The following TFEC variants were observed in gnomAD, a reference collection of about 807,000 sequenced individuals.
The protein encoded by TFEC is transcription factor EC, also known as class E basic helix-loop-helix protein 34.
In TFEC, 31 loss-of-function variants were observed where a neutral mutation model predicts 41.6. The observed-to-expected ratio is 0.74, with a 90% CI of 0.56 to 1.01. TFEC has a LOEUF of 1.01. Ranked by LOEUF, TFEC falls within the 50% of genes least tolerant of loss-of-function variation. The pLI is 0.00. For missense variants in TFEC, 402 were observed against 404.1 expected (o/e 0.99, Z 0.04); for synonymous variants, 143 against 140.6 (o/e 1.02, Z -0.12).
intron 3 of TFEC, among the ~76,000 whole-genome samples, chr7:116,092,127 C>A (rs1459476970): frequency 6.6e-6 from 1 of 152,098 alleles, no homozygotes; most frequent in Non-Finnish European, 1.5e-5. Flanking sequence ...AATATAGGGA[C>A]CTTTTTTACC....
chr7:116,019,571 T>C (rs1046429325), intron 1 of TFEC, among the ~76,000 whole-genome samples: 1 of 152,202 alleles, frequency 6.6e-6, no homozygotes, highest in Non-Finnish European at 1.5e-5. Flanking sequence ...AATGTTTCCA[T>C]CATTTAATAA....
chr7:116,127,290 T>C (rs980406142), intron 1 of TFEC, among the ~76,000 whole-genome samples: 6 of 152,046 alleles, frequency 3.9e-5, no homozygotes, highest in Admixed American at 2.0e-4. Flanking sequence ...AGAGACGGGG[T>C]TTCACCATGG....
At chr7:116,122,798 C>T (rs937874617) in intron 1 of TFEC, among the ~76,000 whole-genome samples, 8 of 152,062 alleles carry the variant, frequency 5.3e-5, no homozygotes, top group Non-Finnish European at 1.2e-4. Flanking sequence ...AGCCCAGCTG[C>T]CTATGCCCCT....
chr7:116,034,679 G>GGCAT (rs1221719122), upstream of TFEC, among the ~76,000 whole-genome samples: 1 of 130,182 alleles, frequency 7.7e-6, no homozygotes, highest in Non-Finnish European at 1.7e-5. Flanking sequence ...AACACGCACA[G>GGCAT]GCATGCATAC....
chr7:116,013,383 G>A (rs747878755), intron 1 of TFEC, among the ~76,000 whole-genome samples: 1 of 152,030 alleles, frequency 6.6e-6, no homozygotes, highest in Non-Finnish European at 1.5e-5. Flanking sequence ...AATTAAAGAA[G>A]CACACTTTTG....
intron 3 of TFEC, among the ~76,000 whole-genome samples, chr7:116,076,154 C>T (rs1262689222): frequency 1.3e-5 from 2 of 152,156 alleles, no homozygotes; most frequent in African/African-American, 4.8e-5. Flanking sequence ...CACTGGGTGG[C>T]TAGACCCATA....
chr7:116,138,529 A>T (rs1798479156), intron 1 of TFEC, among the ~76,000 whole-genome samples: 1 of 152,228 alleles, frequency 6.6e-6, no homozygotes, highest in Admixed American at 6.5e-5. Context: ...AAAATTAACA[A>T]GCTACTAATC....
intron 1 of TFEC, among the ~76,000 whole-genome samples, chr7:116,150,513 TA>T (rs1228601046): frequency 3.3e-5 from 5 of 151,658 alleles, no homozygotes; most frequent in African/African-American, 4.8e-5. Context: ...TCAATGGCAT[TA>T]AAAAAAATAA....
intron 1 of TFEC, among the ~76,000 whole-genome samples, chr7:116,136,520 A>C (rs1418173316): frequency 2.0e-5 from 3 of 151,938 alleles, no homozygotes; most frequent in African/African-American, 7.2e-5. Flanking sequence ...TATTTACTGA[A>C]CACATTGGAT....
intron 3 of TFEC, among the ~76,000 whole-genome samples, chr7:116,049,421 A>C (rs953398214): frequency 8.5e-5 from 13 of 152,254 alleles, no homozygotes; most frequent in African/African-American, 3.1e-4. Context: ...ATTCAACAAG[A>C]AGAGCTAACT....
intron 3 of TFEC, among the ~76,000 whole-genome samples, chr7:116,061,873 T>C (rs1045730028): frequency 7.2e-5 from 11 of 152,076 alleles, no homozygotes; most frequent in South Asian, 2.1e-4. Context: ...AATTTAAAAC[T>C]ACTATGAGAT....
intron 3 of TFEC, among the ~76,000 whole-genome samples, chr7:116,056,201 A>G (rs1192625544): frequency 1.3e-5 from 2 of 151,986 alleles, no homozygotes; most frequent in Non-Finnish European, 2.9e-5. Flanking sequence ...GTAACTCAAG[A>G]AAGAAAAGGT....
At chr7:116,077,613 G>C (rs1476872698) in intron 3 of TFEC, among the ~76,000 whole-genome samples, 1 of 151,978 alleles carries the variant, frequency 6.6e-6, no homozygotes, top group African/African-American at 2.4e-5. Flanking sequence ...CCAAATGCAA[G>C]CAAGAGTAGT....
chr7:116,071,367 A>C (rs1307770780), intron 3 of TFEC, among the ~76,000 whole-genome samples: 5 of 151,032 alleles, frequency 3.3e-5, no homozygotes, highest in Non-Finnish European at 7.4e-5. Context: ...AAAAACCTGA[A>C]TATGGATCAA....
intron 1 of TFEC, among the ~76,000 whole-genome samples, chr7:115,988,884 G>A (rs1432271867): frequency 6.6e-6 from 1 of 151,996 alleles, no homozygotes; most frequent in Non-Finnish European, 1.5e-5. Context: ...TACCCATACA[G>A]AAGCAAAGAT....
intron 1 of TFEC, among the ~76,000 whole-genome samples, chr7:116,116,467 G>T (rs1797990922): frequency 6.6e-6 from 1 of 151,814 alleles, no homozygotes. Flanking sequence ...TTACACCAAT[G>T]AAAAAGGCTG....
At chr7:116,142,421 G>A (rs1473769825) in intron 1 of TFEC, among the ~76,000 whole-genome samples, 1 of 152,140 alleles carries the variant, frequency 6.6e-6, no homozygotes, top group Non-Finnish European at 1.5e-5. Flanking sequence ...CCCACATACA[G>A]CTGGGTCCTA....
intron 1 of TFEC, among the ~76,000 whole-genome samples, chr7:116,121,624 C>A (rs1798109663): frequency 1.3e-5 from 2 of 151,974 alleles, no homozygotes; most frequent in Non-Finnish European, 2.9e-5. Context: ...TATTTTAAGA[C>A]ATAGTGGCAT....
intron 3 of TFEC, among the ~76,000 whole-genome samples, chr7:116,053,087 A>G (rs1372167754): frequency 2.0e-5 from 3 of 152,114 alleles, no homozygotes; most frequent in African/African-American, 7.2e-5. Flanking sequence ...AAAGAAAGAA[A>G]GAAATGTCAT....
Sources: allele counts gnomAD v4.1 joint callset (sites outside exome capture counted in the v4.1 genomes callset), GRCh38; gene constraint gnomAD v4.1.1; transcripts MANE v1.5; gene names NCBI Gene and HGNC (gene_info 2026-07-23, HGNC 2026-07-21).